CLOCK: variants seen among roughly 807,000 people sequenced by gnomAD.
CLOCK encodes the protein clock circadian regulator, also known as circadian locomoter output cycles protein kaput.
A neutral mutation model predicts 118.4 loss-of-function variants in CLOCK; 43 were observed. The observed-to-expected ratio is 0.36, with a 90% CI of 0.28 to 0.47. CLOCK has a LOEUF of 0.47. Ranked by LOEUF, CLOCK falls within the 20% of genes least tolerant of loss-of-function variation. CLOCK has a pLI of 1.00. For missense variants in CLOCK, 846 were observed against 999.9 expected, an observed-to-expected ratio of 0.85 and a Z score of 2.08; for synonymous variants, 326 against 339.2, an observed-to-expected ratio of 0.96 and a Z score of 0.43.
At chr4:55,463,628 A>C (rs1725525831) in intron 9 of CLOCK, 57 bp downstream of exon 9, 3 of 1,591,466 alleles carry the variant, frequency 1.9e-6, no homozygotes, top group Admixed American at 3.3e-5. Flanking sequence ...AAACTTGCAA[A>C]AGGATAGTGC....
At chr4:55,505,350 A>C (rs1174090577) in intron 2 of CLOCK, among the ~76,000 whole-genome samples, 1 of 152,130 alleles carries the variant, frequency 6.6e-6, no homozygotes, top group African/African-American at 2.4e-5. Flanking sequence ...TGTATTTTTA[A>C]TGGAAATAAA....
chr4:55,497,332 C>A (rs1309880751), intron 2 of CLOCK, among the ~76,000 whole-genome samples: 1 of 152,154 alleles, frequency 6.6e-6, no homozygotes, highest in Admixed American at 6.6e-5. Flanking sequence ...TTACATTAAG[C>A]CCACATAGAT....
chr4:55,539,580 A>C (rs1160109634), intron 1 of CLOCK, among the ~76,000 whole-genome samples: 1 of 149,322 alleles, frequency 6.7e-6, no homozygotes, highest in African/African-American at 2.5e-5. Context: ...CTCAAAAAAA[A>C]AAAAAAAAAA....
rs1017361791 is a variant in CLOCK, at chr4:55,442,373, T to C, written c.2105+59A>G. The C allele has an allele frequency of 9.8e-6, 14 of 1,435,408 alleles. No homozygotes were observed. The highest frequency in any genetic ancestry group is 5.6e-5 in the African/African-American group (4 of 70,950). 88.9% of individuals were successfully genotyped at this position (1,435,408 alleles called of 1,614,324 possible). On this transcript the variant is annotated intron_variant, in intron 21 of 22. Transcript: ENST00000513440. ...AAAATTTGATTAAGAAATCAAATTA[T>C]TGTTTTCTAATCAATCGGTTTACAA...
intron 15 of CLOCK, chr4:55,452,338 C>A (rs1465254268): frequency 6.6e-6 from 1 of 152,136 alleles, no homozygotes; most frequent in Non-Finnish European, 1.5e-5. Flanking sequence ...AAACCAAGGC[C>A]CTCAGTCCAA....
rs1456631696 is a variant in CLOCK, at chr4:55,435,516, G to A, written c.2440C>T (p.Pro814Ser). Residue 814 changes from proline (P) to serine (S), a missense_variant, in exon 23 of 23, where the codon CCT (proline) becomes TCT (serine). This residue lies in a region of CLOCK where 520 missense variants were observed against 558.0 expected (regional missense o/e 0.93). Coordinates refer to ENST00000513440, the MANE Select transcript of CLOCK (RefSeq NM_004898.4). ...TGATGTTGCTGGTGATGTGACTGAG[G>A]GAAGGTGCTCTGTTGTAGAGGAAAT... ...AAFPLQQSTF[P>S]QSHHQQHQSQ... The A allele has an allele frequency of 3.1e-6, 5 of 1,614,078 alleles. No individual in the cohort carries two copies. The highest frequency in any genetic ancestry group is 4.2e-6 in the Non-Finnish European group (5 of 1,179,944).
Position 55,432,503 on chromosome 4 carries a change from G to A in CLOCK, c.*2912C>T, listed in dbSNP as rs1424000368. The A allele has an allele frequency of 1.1e-4, 16 of 144,088 alleles. No individual in the cohort carries two copies. The highest frequency in any genetic ancestry group is 1.1e-3 in the Admixed American group (15 of 13,994). 8.9% of individuals were successfully genotyped at this position (144,088 alleles called of 1,614,324 possible). A position where few individuals can be genotyped will look rare whatever the true frequency, so the allele number is the denominator to read the frequency against. On this transcript the variant is annotated 3_prime_UTR_variant, in exon 23 of 23. Transcript: ENST00000513440. ...TTTTTTTTTTTTTTTAAAGCTGGAA[G>A]GTGTTTCTATTTGGTATCTTTAAAT...
At chr4:55,452,212 CA>C (rs1724522285) in intron 15 of CLOCK, 3 of 152,160 alleles carry the variant, frequency 2.0e-5, no homozygotes, top group Non-Finnish European at 2.9e-5. Flanking sequence ...GATTAGGTTA[CA>C]AAAGACTGTG....
At position 55,441,654 on chromosome 4, in the gene CLOCK, C is replaced by G. The variant is rs1723376992; in HGVS notation, c.2105+778G>C. ...AATGGAAAACCAAACACCATATATT[C>G]TCACTTGTAAGTGGGAGCTAAGCTA... is the stretch of plus-strand genomic sequence containing the variant. On this transcript the variant is annotated intron_variant, in intron 21 of 22. Coordinates refer to ENST00000513440, the MANE Select transcript of CLOCK (RefSeq NM_004898.4). Among the ~76,000 whole-genome samples the G allele has an allele frequency of 2.0e-5, 3 of 152,174 alleles. No individual in the cohort carries two copies. In the South Asian group the frequency reaches 6.2e-4, roughly 31 times the overall value.
chr4:55,505,531 G>A (rs1001378776), intron 2 of CLOCK, among the ~76,000 whole-genome samples: 2 of 151,882 alleles, frequency 1.3e-5, no homozygotes, highest in Non-Finnish European at 2.9e-5. Flanking sequence ...GGGTGTTGTG[G>A]CACGTGCCTA....
intron 8 of CLOCK, among the ~76,000 whole-genome samples, chr4:55,466,687 C>T (rs1377121188): frequency 1.3e-5 from 2 of 152,108 alleles, no homozygotes; most frequent in Admixed American, 1.3e-4. Context: ...GCAATGCCTG[C>T]CCCAACAATT....
Position 55,431,536 on chromosome 4 carries a change from A to C in CLOCK, c.*3879T>G, listed in dbSNP as rs1722502120. Reference sequence around the variant, plus strand: ...TTCTTCTCTACCATTCAAAAATTCCAATCAGCTTGTCCTGGCTAGAAAGAC... The same window carrying C: ...TTCTTCTCTACCATTCAAAAATTCCCATCAGCTTGTCCTGGCTAGAAAGAC... On this transcript the variant is annotated 3_prime_UTR_variant, in exon 23 of 23. Coordinates refer to ENST00000513440, the MANE Select transcript of CLOCK (RefSeq NM_004898.4). 1.3e-5 allele frequency: 2 copies of C among 152,274 alleles called. No homozygotes were observed. Among genetic ancestry groups the C allele is most frequent in the South Asian group, 2.1e-4 (1 of 4,824 alleles). 9.4% of individuals were successfully genotyped at this position (152,274 alleles called of 1,614,324 possible). A position where few individuals can be genotyped will look rare whatever the true frequency, so the allele number is the denominator to read the frequency against.
chr4:55,428,057 G>C lies in CLOCK; in HGVS notation c.*7358C>G, dbSNP rs1197809276. 7 of 152,150 alleles carry C rather than the reference G, an allele frequency of 4.6e-5. No individual in the cohort carries two copies. The highest frequency in any genetic ancestry group is 8.8e-5 in the Non-Finnish European group (6 of 68,018). 9.4% of individuals were successfully genotyped at this position (152,150 alleles called of 1,614,324 possible). On this transcript the variant is annotated 3_prime_UTR_variant, in exon 23 of 23. Coordinates refer to ENST00000513440, the MANE Select transcript of CLOCK (RefSeq NM_004898.4). ...TGAGGTATTTTTTATTTTTAAAATT[G>C]AAGGAAACAAAGTCTGGATCTAATT...
rs1213710980 is a variant in CLOCK at position 55,430,402 on chromosome 4, C to G, written c.*5013G>C. 6.6e-6 allele frequency: 1 copy of G among 152,134 alleles called. No individual in the cohort carries two copies. The highest frequency in any genetic ancestry group is 1.5e-5 in the Non-Finnish European group (1 of 68,020). The allele number at this position is 152,134 out of a possible 1,614,324, so 9.4% of individuals were successfully genotyped here. On this transcript the variant is annotated 3_prime_UTR_variant, in exon 23 of 23. Coordinates refer to ENST00000513440, the MANE Select transcript of CLOCK (RefSeq NM_004898.4). Reference sequence around the variant, plus strand: ...AGTGTTATGACATAGGGGGAAAAAACTATGCAAAACAGTCACATGGAAAGA... The same window carrying G: ...AGTGTTATGACATAGGGGGAAAAAAGTATGCAAAACAGTCACATGGAAAGA...
chr4:55,434,514 CAAACATAATTGAAAAATAATG>C lies in CLOCK; in HGVS notation c.*880_*900del, dbSNP rs1722732972. ...AATAAAGCAGTGCAAATCCTATTTT[CAAACATAATTGAAAAATAATG>C]AAATGAGGGATATTTCTGAATAACT... On this transcript the variant is annotated 3_prime_UTR_variant, in exon 23 of 23. Coordinates refer to ENST00000513440, the MANE Select transcript of CLOCK (RefSeq NM_004898.4). The C allele has an allele frequency of 6.6e-6, 1 of 152,222 alleles. No individual in the cohort carries two copies. The highest frequency in any genetic ancestry group is 6.6e-5 in the Admixed American group (1 of 15,238). 9.4% of individuals were successfully genotyped at this position (152,222 alleles called of 1,614,324 possible). A position where few individuals can be genotyped will look rare whatever the true frequency, so the allele number is the denominator to read the frequency against.
At chr4:55,499,247 C>T (rs2177129) in intron 2 of CLOCK, among the ~76,000 whole-genome samples, 88,841 of 151,886 alleles carry the variant, frequency 0.58, 27,579 homozygotes, top group South Asian at 0.81. Flanking sequence ...AATTTTGGAT[C>T]ATATCCTGGA....
At chr4:55,454,679 T>C (rs1202161433) in intron 13 of CLOCK, among the ~76,000 whole-genome samples, 4 of 142,286 alleles carry the variant, frequency 2.8e-5, no homozygotes, top group African/African-American at 7.9e-5. Context: ...TTTTGTTAAA[T>C]AGGTGTCTTC....
Position 55,444,794 on chromosome 4 carries a change from C to A in CLOCK, c.1540-9G>T, listed in dbSNP as rs1250017286. ...TGAGCTGAAAACTGAAACTGAAGTACCATGTACGGAAAAAGTGTAATATAT... is the reference window on the plus strand; with the variant it reads ...TGAGCTGAAAACTGAAACTGAAGTAACATGTACGGAAAAAGTGTAATATAT... On this transcript the variant is annotated splice_polypyrimidine_tract_variant and intron_variant, in intron 18 of 22. Coordinates refer to ENST00000513440, the MANE Select transcript of CLOCK (RefSeq NM_004898.4). The A allele has an allele frequency of 6.2e-7, 1 of 1,613,462 alleles. No homozygotes were observed. The highest frequency in any genetic ancestry group is 8.5e-7 in the Non-Finnish European group (1 of 1,179,734).
Position 55,437,574 on chromosome 4 carries a change from G to A in CLOCK, c.2361+708C>T, listed in dbSNP as rs546801487. Among the ~76,000 whole-genome samples the A allele has an allele frequency of 3.3e-5, 5 of 152,116 alleles. No homozygotes were observed. The South Asian group carries it at 6.2e-4, about 19-fold the overall frequency. On this transcript the variant is annotated intron_variant, in intron 22 of 22. Transcript: ENST00000513440. ...TGTCTATTACATTTGTCAATATAGC[G>A]GTCACAAATAACAGCTAGCCATGTG...
Sources: allele counts gnomAD v4.1 joint callset (sites outside exome capture counted in the v4.1 genomes callset), GRCh38; gene constraint gnomAD v4.1.1; regional missense constraint gnomAD v4.1.1; transcripts MANE v1.5; gene names NCBI Gene and HGNC (gene_info 2026-07-23, HGNC 2026-07-21).